ITIH6: variants seen among roughly 807,000 people sequenced by gnomAD.
ITIH6 encodes inter-alpha-trypsin inhibitor heavy chain family member 6, also known as inter-alpha-trypsin inhibitor heavy chain H6.
A neutral mutation model predicts 58.2 loss-of-function variants in ITIH6; 60 were observed. The ratio of observed to expected loss-of-function variants is 1.03; its 90% CI spans 0.84 to 1.28. The LOEUF (loss-of-function observed/expected upper bound fraction) is 1.28. ITIH6 is among the 50% of genes most tolerant of loss of function. The pLI is 0.00. For synonymous variants in ITIH6, 493 were observed against 417.4 expected (o/e 1.18, Z -2.21); for missense variants, 1,290 against 1,021.1 (o/e 1.26, Z -3.59).
At chrX:54,753,336 A>G (rs1928409663) in intron 11 of ITIH6, among the ~76,000 whole-genome samples, 1 of 112,441 alleles carries the variant, frequency 8.9e-6, no homozygotes, top group Non-Finnish European at 1.9e-5. Context: ...TACTTGATGG[A>G]GCTTATGTTG....
Position 54,795,334 on chromosome X carries a change from C to T in ITIH6, c.257+1608G>A, listed in dbSNP as rs182645980. Among the ~76,000 whole-genome samples the T allele has an allele frequency of 4.9e-3, 551 of 112,302 alleles. 2 individuals are homozygous for T. Among genetic ancestry groups the T allele is most frequent in the Non-Finnish European group, 8.0e-3 (424 of 53,236 alleles). On this transcript the variant is annotated intron_variant, in intron 2 of 12. Transcript: ENST00000218436. ...TCCTTTAGGGATTAATATTTATATGCTTCATAATGTACCTAATATATTTGC... is the reference window on the plus strand; with the variant it reads ...TCCTTTAGGGATTAATATTTATATGTTTCATAATGTACCTAATATATTTGC...
At chrX:54,788,353 G>A in intron 5 of ITIH6, 127 bp downstream of exon 5, 1 of 551,578 alleles carries the variant, frequency 1.8e-6, no homozygotes, top group South Asian at 3.3e-5. Flanking sequence ...TTTCACGTCA[G>A]CCTATCCTTG....
intron 6 of ITIH6, among the ~76,000 whole-genome samples, chrX:54,772,705 G>T (rs188632272): frequency 8.9e-6 from 1 of 112,069 alleles, no homozygotes. Context: ...TTAGTGTGGG[G>T]TTTTAAGTTT....
chrX:54,791,205 G>A, intron 3 of ITIH6, 121 bp from the exon 4 acceptor site: 1 of 663,496 alleles, frequency 1.5e-6, no homozygotes, highest in Non-Finnish European at 2.2e-6. Context: ...CTAGGCTTCT[G>A]GTTCAACTGA....
chrX:54,794,649 A>G (rs1929408940), intron 2 of ITIH6, among the ~76,000 whole-genome samples: 1 of 111,175 alleles, frequency 9.0e-6, no homozygotes, highest in African/African-American at 3.3e-5. Flanking sequence ...AAGTGCCAGG[A>G]GGTTCTTGAT....
At chrX:54,774,046 C>A in intron 6 of ITIH6, 35 bp downstream of exon 6, 1 of 889,525 alleles carries the variant, frequency 1.1e-6, no homozygotes, top group Non-Finnish European at 1.6e-6. Flanking sequence ...TCTTCTGATA[C>A]TAGGACTAAG....
At chrX:54,796,670 C>T (rs1431397064) in intron 2 of ITIH6, among the ~76,000 whole-genome samples, 9 of 92,113 alleles carry the variant, frequency 9.8e-5, no homozygotes, top group Admixed American at 1.3e-4. Flanking sequence ...GGCAACAGAG[C>T]GAGACTCCAT....
chrX:54,764,465 C>T (rs1421922403), intron 6 of ITIH6, among the ~76,000 whole-genome samples: 5 of 104,319 alleles, frequency 4.8e-5, no homozygotes, highest in Admixed American at 1.1e-4. Context: ...TGTGTCCATG[C>T]GATCTCATTG....
At chrX:54,753,140 A>G (rs1928402022) in intron 11 of ITIH6, among the ~76,000 whole-genome samples, 1 of 112,617 alleles carries the variant, frequency 8.9e-6, no homozygotes, top group Non-Finnish European at 1.9e-5. Context: ...TTAGGCATTG[A>G]CCTTACGGTC....
chrX:54,757,896 G>A lies in ITIH6; in HGVS notation c.2178C>T (p.Thr726=). 8.3e-7 allele frequency: 1 copy of A among 1,211,464 alleles called. No individual in the cohort carries two copies. Among genetic ancestry groups the A allele is most frequent in the Non-Finnish European group, 1.1e-6 (1 of 895,290 alleles). Residue 726 remains threonine, a synonymous_variant, in exon 8 of 13, where the codon ACC becomes ACT. Coordinates refer to ENST00000218436, the MANE Select transcript of ITIH6 (RefSeq NM_198510.3). ...TACCAGAATTTGAGGGCACAAGAAT[G>A]GTAGGTTTTGTCCTGAGAGTTGGCT... ...LAQPTLRTKP[T]ILVPSNSGTL... is the part of the protein sequence containing the mutation.
At chrX:54,755,494 G>T (rs145437820) in intron 8 of ITIH6, among the ~76,000 whole-genome samples, 117 of 111,244 alleles carry the variant, frequency 1.1e-3, no homozygotes, top group African/African-American at 3.6e-3. Flanking sequence ...AAATAATGAG[G>T]TGACTGTGGG....
chrX:54,770,481 G>T (rs1041321546), intron 6 of ITIH6, among the ~76,000 whole-genome samples: 6 of 112,607 alleles, frequency 5.3e-5, no homozygotes, highest in African/African-American at 1.9e-4. Flanking sequence ...ACATGATCCC[G>T]TTTTATCTTA....
rs771295124 is a variant in ITIH6, at chrX:54,757,889, C to T, written c.2185G>A (p.Val729Met). 5.0e-6 allele frequency: 6 copies of T among 1,211,318 alleles called. No individual in the cohort carries two copies. The highest frequency in any genetic ancestry group is 2.2e-5 in the Admixed American group (1 of 46,013). Residue 729 changes from valine to methionine, a missense_variant, in exon 8 of 13, where the codon GTG becomes ATG. Transcript: ENST00000218436. ...AACAGAGTACCAGAATTTGAGGGCA[C>T]AAGAATGGTAGGTTTTGTCCTGAGA... ...PTLRTKPTIL[V>M]PSNSGTLLPL...
rs1278437852 is a variant in ITIH6 at position 54,766,694 on chromosome X, T to C, written c.904-6767A>G. ...CTGTTTATATGCTGGATTACATTTA[T>C]TGATTTGCGTATATTGAACCAGCCT... is the stretch of plus-strand genomic sequence containing the variant. On this transcript the variant is annotated intron_variant, in intron 6 of 12. Coordinates refer to ENST00000218436, the MANE Select transcript of ITIH6 (RefSeq NM_198510.3). 5.3e-5 allele frequency among the ~76,000 whole-genome samples: 5 copies of C among 94,293 alleles called. No individual in the cohort carries two copies. The East Asian group carries it at 9.4e-4, about 18-fold the overall frequency. The allele number at this position is 94,293 out of a possible 115,157, so 81.9% of individuals were successfully genotyped here.
chrX:54,768,375 A>C (rs1191541741), intron 6 of ITIH6, among the ~76,000 whole-genome samples: 5 of 87,385 alleles, frequency 5.7e-5, no homozygotes, highest in Admixed American at 1.3e-4. Context: ...TTAATTGGAG[A>C]ATTTAGTCCA....
intron 5 of ITIH6, among the ~76,000 whole-genome samples, chrX:54,780,526 T>G (rs1929129207): frequency 8.9e-6 from 1 of 111,797 alleles, no homozygotes; most frequent in Non-Finnish European, 1.9e-5. Context: ...AAAGCAGTTC[T>G]CAGAGGGAAC....
At chrX:54,788,995 C>G (rs150115673) in intron 4 of ITIH6, among the ~76,000 whole-genome samples, 1,555 of 112,526 alleles carry the variant, frequency 0.014, 17 homozygotes, top group Non-Finnish European at 0.019. Context: ...TCCGGAGGTA[C>G]GCCAGCAGCC....
At position 54,757,930 on chromosome X, in the gene ITIH6, G is replaced by C; in HGVS notation, c.2144C>G (p.Thr715Ser). The C allele has an allele frequency of 8.3e-7, 1 of 1,211,763 alleles. No individual in the cohort carries two copies. Among genetic ancestry groups the C allele is most frequent in the Non-Finnish European group, 1.1e-6 (1 of 895,340 alleles). The change falls in exon 8 of 13, where the codon ACC (threonine) becomes AGC (serine). Residue 715 changes from threonine to serine, a missense_variant. Thr to Ser is a moderately conservative substitution (Grantham distance 58, BLOSUM62 1). Coordinates refer to ENST00000218436, the MANE Select transcript of ITIH6 (RefSeq NM_198510.3). ...AKIPAQQDSG[T>S]LAQPTLRTKP... is the part of the protein sequence containing the mutation. ...TGTCCTGAGAGTTGGCTGGGCCAAG[G>C]TGCCAGAATCCTGTTGTGCTGGAAT...
At chrX:54,781,556 G>A (rs1314471514) in intron 5 of ITIH6, among the ~76,000 whole-genome samples, 3 of 112,161 alleles carry the variant, frequency 2.7e-5, no homozygotes, top group Admixed American at 9.4e-5. Context: ...CAGTCAGAAT[G>A]GCTACTGTTA....
Sources: allele counts gnomAD v4.1 joint callset (sites outside exome capture counted in the v4.1 genomes callset), GRCh38; gene constraint gnomAD v4.1.1; transcripts MANE v1.5; gene names NCBI Gene and HGNC (gene_info 2026-07-23, HGNC 2026-07-21).